EFCC1: variants seen among roughly 807,000 people sequenced by gnomAD.
The protein encoded by EFCC1 is EF-hand and coiled-coil domain containing 1, also known as EF-hand and coiled-coil domain-containing protein 1.
Under a neutral mutation model 52.1 loss-of-function variants are expected in EFCC1, and 50 were observed. That is an observed-to-expected ratio of 0.96 (90% confidence interval 0.76 to 1.21). EFCC1 has a LOEUF of 1.21. EFCC1 is among the 50% of genes most tolerant of loss of function. EFCC1 has a pLI of 0.00. For missense variants in EFCC1, 837 were observed against 867.3 expected (o/e 0.97, Z 0.44); for synonymous variants, 399 against 396.5 (o/e 1.01, Z -0.08).
rs969781419 is a variant in EFCC1 at position 129,014,276 on chromosome 3, G to T, written c.980+10199G>T. Among the ~76,000 whole-genome samples the T allele has an allele frequency of 6.6e-6, 1 of 152,230 alleles. No individual in the cohort carries two copies. The highest frequency in any genetic ancestry group is 6.5e-5 in the Admixed American group (1 of 15,288). On this transcript the variant is annotated intron_variant, in intron 2 of 7. Transcript: ENST00000683648. This position sits in a 1 kb window ranked among gnomAD's most constrained non-coding sequence, Gnocchi z 4.3. ...AACTAAGCGGGTGGACGAGGGGAGGGTCAGGGAGTGTGAGTCAGCTCGGGC... is the reference window on the plus strand; with the variant it reads ...AACTAAGCGGGTGGACGAGGGGAGGTTCAGGGAGTGTGAGTCAGCTCGGGC...
At chr3:129,033,126 C>T (rs769552341) in intron 4 of EFCC1, among the ~76,000 whole-genome samples, 160 bp downstream of exon 4, 3 of 152,170 alleles carry the variant, frequency 2.0e-5, no homozygotes, top group Non-Finnish European at 2.9e-5. Flanking sequence ...GGAAGGCCCA[C>T]CAGCATGTAG....
At chr3:129,008,347 C>T (rs1945167047) in intron 2 of EFCC1, among the ~76,000 whole-genome samples, 1 of 152,230 alleles carries the variant, frequency 6.6e-6, no homozygotes, top group African/African-American at 2.4e-5. Flanking sequence ...CGTTTCAGCT[C>T]CATCTCCTGC....
chr3:129,038,778 A>C, intron 6 of EFCC1, 53 bp from the exon 7 acceptor site: 1 of 1,585,838 alleles, frequency 6.3e-7, no homozygotes, highest in Non-Finnish European at 8.7e-7. Flanking sequence ...CCATCGGCTG[A>C]ACAGGGACAC....
chr3:129,034,432 G>A lies in EFCC1; in HGVS notation c.1452+103G>A, dbSNP rs113777132. The A allele has an allele frequency of 2.1e-4, 279 of 1,330,594 alleles. 1 individual carries two copies. The African/African-American group carries it at 2.2e-3, about 10-fold the overall frequency. The allele number at this position is 1,330,594 out of a possible 1,614,324, so 82.4% of individuals were successfully genotyped here. A position where few individuals can be genotyped will look rare whatever the true frequency, so the allele number is the denominator to read the frequency against. The stretch of plus-strand genomic sequence containing the variant: ...CAAGTCTTGTGCCTCATTCCCAGAT[G>A]AGTAAACCAAGGCCCAGAGGGAGGT... On this transcript the variant is annotated intron_variant, in intron 5 of 7. Coordinates refer to ENST00000683648, the MANE Select transcript of EFCC1 (RefSeq NM_001377500.1).
At chr3:129,007,649 T>C (rs1374766652) in intron 2 of EFCC1, among the ~76,000 whole-genome samples, 4 of 152,216 alleles carry the variant, frequency 2.6e-5, no homozygotes. Flanking sequence ...AAATAGACCC[T>C]TGGGGTTGGG....
intron 2 of EFCC1, among the ~76,000 whole-genome samples, chr3:129,008,143 G>A (rs537173977): frequency 2.6e-5 from 4 of 152,344 alleles, no homozygotes; most frequent in East Asian, 1.9e-4. Context: ...GATACTTAGC[G>A]TGGAGTTTCC....
chr3:129,027,265 T>A (rs934004992), intron 2 of EFCC1, among the ~76,000 whole-genome samples: 1 of 152,106 alleles, frequency 6.6e-6, no homozygotes, highest in Admixed American at 6.5e-5. Context: ...GCGGCGGCGG[T>A]GCTCGCAGCC....
chr3:129,032,512 C>CT (rs1296233312), intron 3 of EFCC1, among the ~76,000 whole-genome samples: 1 of 149,910 alleles, frequency 6.7e-6, no homozygotes, highest in Non-Finnish European at 1.5e-5. Flanking sequence ...GACCCTGTCT[C>CT]TAAAAAAAAA....
intron 7 of EFCC1, among the ~76,000 whole-genome samples, chr3:129,039,281 G>A (rs72979125): frequency 0.014 from 2,127 of 152,326 alleles, 58 homozygotes; most frequent in African/African-American, 0.048. Context: ...CCCGAGGCTG[G>A]GGCATCTCCC....
At chr3:129,009,088 G>A (rs1354715414) in intron 2 of EFCC1, among the ~76,000 whole-genome samples, 1 of 152,152 alleles carries the variant, frequency 6.6e-6, no homozygotes, top group Non-Finnish European at 1.5e-5. Context: ...TTCATAAAAT[G>A]TCATTCAATC....
chr3:129,002,276 C>T lies in EFCC1; in HGVS notation c.648C>T (p.Asp216=). Residue 216 remains aspartate (D), a synonymous_variant, in exon 1 of 8, where the codon GAC becomes GAT. Transcript: ENST00000683648. The stretch of plus-strand genomic sequence containing the variant: ...GCAGCTTGCGCGAGTTGGTGGAGGA[C>T]CTGCGCGCCGCGCTGCAGAGCAGTG... The part of the protein sequence containing the change: ...ENSSLRELVE[D]LRAALQSSDA... 1 of 1,530,128 alleles carries T rather than the reference C, an allele frequency of 6.5e-7. No individual in the cohort carries two copies. The highest frequency in any genetic ancestry group is 1.2e-5 in the South Asian group (1 of 83,786). The allele number at this position is 1,530,128 out of a possible 1,614,324, so 94.8% of individuals were successfully genotyped here.
At chr3:129,023,751 T>C (rs1945972909) in intron 2 of EFCC1, among the ~76,000 whole-genome samples, 1 of 152,230 alleles carries the variant, frequency 6.6e-6, no homozygotes, top group African/African-American at 2.4e-5. Flanking sequence ...AAAGGACAAA[T>C]GACCAAAAAT....
chr3:129,027,250 C>A (rs1297670868), intron 2 of EFCC1, among the ~76,000 whole-genome samples: 1 of 152,172 alleles, frequency 6.6e-6, no homozygotes, highest in Non-Finnish European at 1.5e-5. Context: ...GGGGAGGCCC[C>A]GCGGGCGGCG....
In EFCC1 at chr3:129,034,161, C is replaced by T; in HGVS notation, c.1287-3C>T. The stretch of plus-strand genomic sequence containing the variant: ...GCAATGCGGGCCCTCTCCTTTGCTG[C>T]AGGTGTGATGACCAGACGGCGGAGA... On this transcript the variant is annotated splice_region_variant and splice_polypyrimidine_tract_variant and intron_variant, in intron 4 of 7. Transcript: ENST00000683648. The T allele has an allele frequency of 6.2e-7, 1 of 1,614,206 alleles. No individual in the cohort carries two copies. Among genetic ancestry groups the T allele is most frequent in the East Asian group, 2.2e-5 (1 of 44,886 alleles).
chr3:129,025,775 T>C (rs1169552799), intron 2 of EFCC1, among the ~76,000 whole-genome samples: 1 of 152,258 alleles, frequency 6.6e-6, no homozygotes, highest in Non-Finnish European at 1.5e-5. Context: ...GAAGCACTTG[T>C]TCCATTTCTC....
intron 2 of EFCC1, among the ~76,000 whole-genome samples, chr3:129,025,771 C>T (rs544192492): frequency 6.6e-6 from 1 of 152,310 alleles, no homozygotes; most frequent in South Asian, 2.1e-4. Context: ...TGAGGAAGCA[C>T]TTGTTCCATT....
In EFCC1 at chr3:129,002,343, G is replaced by C. The variant is rs149977586; in HGVS notation, c.696+19G>C. 8.4e-4 allele frequency: 1,272 copies of C among 1,511,718 alleles called. 11 individuals carry two copies. The African/African-American group carries it at 0.016, about 19-fold the overall frequency. 93.6% of individuals were successfully genotyped at this position (1,511,718 alleles called of 1,614,324 possible). A position where few individuals can be genotyped will look rare whatever the true frequency, so the allele number is the denominator to read the frequency against. On this transcript the variant is annotated intron_variant, in intron 1 of 7. Transcript: ENST00000683648. ...ACTGCAGGTGCGCGCCGGCCACGAA[G>C]GGAGGGTGGTAACGCCCGGGAGAGG...
chr3:129,026,468 T>C (rs1219354209), intron 2 of EFCC1, among the ~76,000 whole-genome samples: 1 of 152,198 alleles, frequency 6.6e-6, no homozygotes, highest in Non-Finnish European at 1.5e-5. Context: ...CCTGCTGACA[T>C]ACCTCCTCTG....
At chr3:129,031,820 G>C (rs1239296953) in intron 3 of EFCC1, among the ~76,000 whole-genome samples, 2 of 152,208 alleles carry the variant, frequency 1.3e-5, no homozygotes, top group East Asian at 3.8e-4. Flanking sequence ...CAGAAGCATG[G>C]AGGGCATTTC....
Sources: gnomAD v4.1 joint callset for allele counts (sites outside exome capture counted in the v4.1 genomes callset) on GRCh38, gnomAD v4.1.1 for gene constraint, Gnocchi (gnomAD v3.1) non-coding constraint, MANE v1.5 for transcripts, NCBI Gene and HGNC (gene_info 2026-07-23, HGNC 2026-07-21) for gene names.